The following TCAIM variants were observed in gnomAD, a reference collection of about 807,000 sequenced individuals.
TCAIM encodes the protein T-cell activation inhibitor, mitochondrial.
TCAIM carries 36 observed loss-of-function variants against 58.6 expected under a neutral mutation model. The observed-to-expected ratio is 0.61, with a 90% CI of 0.47 to 0.81. The LOEUF is 0.81. Ranked by LOEUF, TCAIM falls within the 30% of genes least tolerant of loss-of-function variation. TCAIM has a pLI of 0.00. For synonymous variants in TCAIM, 172 were observed against 193.6 expected (o/e 0.89, Z 0.93); for missense variants, 466 against 579.6 (o/e 0.80, Z 2.01).
At position 44,409,250 on chromosome 3, in the gene TCAIM, A is replaced by T. The variant is rs1381194445; in HGVS notation, c.*1568A>T. Reference sequence around the variant, plus strand: ...TACTTAAATTTTGTTTTCTAGTGTAACAAATGTTTCCCATAAGATTTTCTA... The same window carrying T: ...TACTTAAATTTTGTTTTCTAGTGTATCAAATGTTTCCCATAAGATTTTCTA... On this transcript the variant is annotated 3_prime_UTR_variant, in exon 11 of 11. Coordinates refer to ENST00000342649, the MANE Select transcript of TCAIM (RefSeq NM_173826.4). 6.6e-6 allele frequency: 1 copy of T among 152,230 alleles called. No homozygotes were observed. The highest frequency in any genetic ancestry group is 1.5e-5 in the Non-Finnish European group (1 of 68,036). 9.4% of individuals were successfully genotyped at this position (152,230 alleles called of 1,614,324 possible).
In TCAIM at chr3:44,407,594, A is replaced by C. The variant is rs747132215; in HGVS notation, c.1403A>C (p.His468Pro). ...TCACTGCCTTACCTACATGGGATGC[A>C]CCTCTGCATTTCACATTTTTACTCT... ...EQSLPYLHGM[H>P]LCISHFYSVM... The change falls in exon 11 of 11, where the codon CAC becomes CCC. Residue 468 changes from histidine (H) to proline (P), a missense_variant. Transcript: ENST00000342649. 6.2e-7 allele frequency: 1 copy of C among 1,613,918 alleles called. No individual in the cohort carries two copies. The highest frequency in any genetic ancestry group is 1.1e-5 in the South Asian group (1 of 91,050).
chr3:44,401,669 T>C (rs1253462126), intron 10 of TCAIM, among the ~76,000 whole-genome samples: 2 of 152,232 alleles, frequency 1.3e-5, no homozygotes, highest in African/African-American at 4.8e-5. Context: ...TTTAAAATTT[T>C]CAAACTGTTG....
At chr3:44,373,886 T>C (rs1472408059) in intron 5 of TCAIM, among the ~76,000 whole-genome samples, 1 of 152,218 alleles carries the variant, frequency 6.6e-6, no homozygotes, top group Non-Finnish European at 1.5e-5. Flanking sequence ...ATCCATTTTA[T>C]ATAAGCAAAA....
At chr3:44,373,544 C>T (rs1007079504) in intron 5 of TCAIM, among the ~76,000 whole-genome samples, 16 of 151,602 alleles carry the variant, frequency 1.1e-4, no homozygotes, top group Non-Finnish European at 2.2e-4. Flanking sequence ...GTCCCAGCTA[C>T]TTGGGTGACT....
intron 9 of TCAIM, 63 bp from the exon 10 acceptor site, chr3:44,401,140 T>C: frequency 1.2e-5 from 19 of 1,566,116 alleles, no homozygotes; most frequent in Non-Finnish European, 1.6e-5. Context: ...TAATAAAATA[T>C]TTTCTCTGGT....
At chr3:44,362,122 G>A (rs1053371446) in intron 4 of TCAIM, among the ~76,000 whole-genome samples, 2 of 152,160 alleles carry the variant, frequency 1.3e-5, no homozygotes, top group African/African-American at 4.8e-5. Context: ...GATCCTTGAA[G>A]AAATAACTAT....
chr3:44,403,869 T>C (rs1434203167), intron 10 of TCAIM, among the ~76,000 whole-genome samples: 1 of 152,066 alleles, frequency 6.6e-6, no homozygotes, highest in African/African-American at 2.4e-5. Flanking sequence ...TGATGGCCTC[T>C]TGTCTGGTCT....
chr3:44,353,864 A>G (rs1006506066), intron 1 of TCAIM, among the ~76,000 whole-genome samples: 2 of 152,180 alleles, frequency 1.3e-5, no homozygotes, highest in African/African-American at 2.4e-5. Flanking sequence ...TGTTTTCTCC[A>G]GGTGTGTGGC....
At chr3:44,376,871 G>A (rs1701574093) in intron 5 of TCAIM, among the ~76,000 whole-genome samples, 4 of 152,140 alleles carry the variant, frequency 2.6e-5, no homozygotes, top group South Asian at 2.1e-4. Flanking sequence ...GGTGGATCAC[G>A]AGGTCAGGAG....
chr3:44,365,036 T>C (rs1701352075), intron 4 of TCAIM, among the ~76,000 whole-genome samples: 1 of 152,120 alleles, frequency 6.6e-6, no homozygotes, highest in African/African-American at 2.4e-5. Flanking sequence ...GCAGCTCTTA[T>C]GTTGGATTAA....
rs1239045975 is a variant in TCAIM, at chr3:44,367,547, T to C, written c.411T>C (p.His137=). The C allele has an allele frequency of 1.9e-6, 3 of 1,614,132 alleles. No individual in the cohort carries two copies. Among genetic ancestry groups the C allele is most frequent in the Non-Finnish European group, 2.5e-6 (3 of 1,180,018 alleles). ...ACTCCTGCAGTTTATCTGTTGAACATATCCAAAGCTTGAATACTAATATGC... is the reference window on the plus strand; with the variant it reads ...ACTCCTGCAGTTTATCTGTTGAACACATCCAAAGCTTGAATACTAATATGC... ...ILNSCSLSVE[H]IQSLNTNMHT... is the part of the protein sequence containing the mutation. Residue 137 remains histidine (H), a synonymous_variant, in exon 5 of 11, where the codon CAT becomes CAC. Coordinates refer to ENST00000342649, the MANE Select transcript of TCAIM (RefSeq NM_173826.4).
chr3:44,357,834 T>C lies in TCAIM; in HGVS notation c.123T>C (p.Phe41=). 1 of 1,614,186 alleles carries C rather than the reference T, an allele frequency of 6.2e-7. No homozygotes were observed. The change falls in exon 3 of 11, where the codon TTT becomes TTC. Residue 41 remains phenylalanine, a synonymous_variant. Transcript: ENST00000342649. ...TCAATGCCTTGAGGCCTTTCTATTT[T>C]GCAGTACATCCAGATTTCTTTGGAC... The part of the protein sequence containing the change: ...EAVNALRPFY[F]AVHPDFFGQH...
At chr3:44,367,396 A>T in intron 4 of TCAIM, 60 bp from the exon 5 acceptor site, 8 of 1,506,544 alleles carry the variant, frequency 5.3e-6, no homozygotes, top group Non-Finnish European at 7.1e-6. Context: ...GATTTTATAT[A>T]TGTTGAAATA....
chr3:44,354,854 GGA>G, intron 2 of TCAIM, 43 bp downstream of exon 2: 1 of 1,594,976 alleles, frequency 6.3e-7, no homozygotes, highest in Non-Finnish European at 8.5e-7. Flanking sequence ...TGTGGCGGGG[GGA>G]GGTCTGTTAT....
rs1281871975 is a variant in TCAIM at position 44,343,774 on chromosome 3, C to T, written c.-45+4940C>T. ...TTCTCAACCTGTCATTTTTTTAGTG[C>T]TCTCTTTCTAAATCTGGAAACCATG... On this transcript the variant is annotated intron_variant, in intron 1 of 10. Coordinates refer to ENST00000342649, the MANE Select transcript of TCAIM (RefSeq NM_173826.4). Among the ~76,000 whole-genome samples the T allele has an allele frequency of 1.3e-5, 2 of 152,112 alleles. 1 individual carries two copies. The highest frequency in any genetic ancestry group is 3.9e-4 in the East Asian group (2 of 5,170).
rs547932609 is a variant in TCAIM, at chr3:44,401,080, T to G, written c.1119-123T>G. 2.3e-5 allele frequency: 32 copies of G among 1,383,806 alleles called. No homozygotes were observed. The South Asian group carries it at 4.6e-4, about 20-fold the overall frequency. 85.7% of individuals were successfully genotyped at this position (1,383,806 alleles called of 1,614,324 possible). A position where few individuals can be genotyped will look rare whatever the true frequency, so the allele number is the denominator to read the frequency against. On this transcript the variant is annotated intron_variant, in intron 9 of 10. Coordinates refer to ENST00000342649, the MANE Select transcript of TCAIM (RefSeq NM_173826.4). ...GCAAAGCTTTAAGTCAATGTTGCTG[T>G]ACTTTTGAGGTGGCTTTTCTTGATG... is the stretch of plus-strand genomic sequence containing the variant.
intron 8 of TCAIM, among the ~76,000 whole-genome samples, chr3:44,397,248 TCC>T (rs1701949620): frequency 6.6e-6 from 1 of 152,178 alleles, no homozygotes; most frequent in South Asian, 2.1e-4. Context: ...AGCAAACGTA[TCC>T]AACAACTGGG....
At chr3:44,347,994 C>CTAATAATTTT (rs1701004474) in intron 1 of TCAIM, among the ~76,000 whole-genome samples, 1 of 152,106 alleles carries the variant, frequency 6.6e-6, no homozygotes, top group Non-Finnish European at 1.5e-5. Flanking sequence ...TAAAATGCCT[C>CTAATAATTTT]AACCTAATAA....
chr3:44,375,891 G>A (rs1003881824), intron 5 of TCAIM, among the ~76,000 whole-genome samples: 4 of 152,162 alleles, frequency 2.6e-5, no homozygotes, highest in African/African-American at 9.7e-5. Flanking sequence ...TTATAGCAAC[G>A]TTATTTATAA....
Sources: gnomAD v4.1 joint callset for allele counts (sites outside exome capture counted in the v4.1 genomes callset) on GRCh38, gnomAD v4.1.1 for gene constraint, MANE v1.5 for transcripts, NCBI Gene and HGNC (gene_info 2026-07-23, HGNC 2026-07-21) for gene names.